The following MACROD2 variants were observed in gnomAD, a reference collection of about 807,000 sequenced individuals.
The protein encoded by MACROD2 is mono-ADP ribosylhydrolase 2, also known as ADP-ribose glycohydrolase MACROD2.
Under a neutral mutation model 70.4 loss-of-function variants are expected in MACROD2, and 36 were observed. That is an observed-to-expected ratio of 0.51 (90% confidence interval 0.39 to 0.68). The LOEUF (loss-of-function observed/expected upper bound fraction) is 0.68. Among genes scored for constraint, MACROD2 ranks in the 30% least tolerant of loss-of-function variants. The pLI is 0.00. For missense variants in MACROD2, 496 were observed against 538.4 expected (o/e 0.92, Z 0.78); for synonymous variants, 172 against 178.8 (o/e 0.96, Z 0.30).
intron 4 of MACROD2, among the ~76,000 whole-genome samples, chr20:14,659,265 T>TA (rs1986118712): frequency 1.3e-5 from 2 of 152,232 alleles, no homozygotes; most frequent in Non-Finnish European, 1.5e-5. Flanking sequence ...CCATATGTCC[T>TA]ACAAGTTATG....
intron 8 of MACROD2, among the ~76,000 whole-genome samples, chr20:15,722,457 T>C (rs188991206): frequency 1.1e-3 from 160 of 152,312 alleles, no homozygotes; most frequent in African/African-American, 3.4e-3. Context: ...AACTTGGCAT[T>C]CTCAAATTAC....
At chr20:14,348,554 C>CA (rs77245821) in intron 3 of MACROD2, among the ~76,000 whole-genome samples, 257 of 130,802 alleles carry the variant, frequency 2.0e-3, no homozygotes, top group South Asian at 3.2e-3. Context: ...TATTAGTAGA[C>CA]AAAAAAAAAA....
chr20:14,046,473 G>A (rs1304007660), intron 2 of MACROD2, among the ~76,000 whole-genome samples: 1 of 152,168 alleles, frequency 6.6e-6, no homozygotes, highest in Non-Finnish European at 1.5e-5. Context: ...AACTGCTTTT[G>A]AGAGTAATTC....
At chr20:14,098,967 G>A (rs992811233) in intron 3 of MACROD2, among the ~76,000 whole-genome samples, 1 of 152,114 alleles carries the variant, frequency 6.6e-6, no homozygotes, top group African/African-American at 2.4e-5. Context: ...TCACACCTGT[G>A]TAATAGAATC....
chr20:14,730,806 A>G (rs1307273961), intron 5 of MACROD2, among the ~76,000 whole-genome samples: 1 of 152,214 alleles, frequency 6.6e-6, no homozygotes, highest in Non-Finnish European at 1.5e-5. Flanking sequence ...GACAAAAGTT[A>G]CATGTAAGCT....
chr20:14,099,188 G>A (rs1488871356), intron 3 of MACROD2, among the ~76,000 whole-genome samples: 3 of 152,126 alleles, frequency 2.0e-5, no homozygotes, highest in African/African-American at 7.2e-5. Context: ...TGAGGCAGGA[G>A]AATCTCTTGA....
chr20:14,681,178 G>A (rs1245810141), intron 4 of MACROD2, among the ~76,000 whole-genome samples: 2 of 152,108 alleles, frequency 1.3e-5, no homozygotes, highest in African/African-American at 4.8e-5. Context: ...GGGGTTATGT[G>A]TAACATGGTA....
chr20:14,949,123 G>A (rs771277304), intron 5 of MACROD2, among the ~76,000 whole-genome samples: 2 of 152,106 alleles, frequency 1.3e-5, no homozygotes, highest in Admixed American at 6.6e-5. Flanking sequence ...ATGCTTTAGC[G>A]ATTTGGCTTT....
At chr20:14,796,287 C>G (rs1189397400) in intron 5 of MACROD2, among the ~76,000 whole-genome samples, 1 of 152,034 alleles carries the variant, frequency 6.6e-6, no homozygotes, top group African/African-American at 2.4e-5. Context: ...ATCTCTTAGG[C>G]TTTTTCACTG....
intron 8 of MACROD2, among the ~76,000 whole-genome samples, chr20:15,636,076 G>GAAAAAAAAAAAAAAAAAAAAAA (rs57402806): frequency 2.3e-5 from 2 of 85,822 alleles, no homozygotes; most frequent in South Asian, 6.0e-4. Flanking sequence ...CCTCTCAAAA[G>GAAAAAAAAAAAAAAAAAAAAAA]AAAAAAAAAA....
chr20:14,219,989 A>G (rs912818904), intron 3 of MACROD2, among the ~76,000 whole-genome samples: 1 of 151,902 alleles, frequency 6.6e-6, no homozygotes, highest in Admixed American at 6.6e-5. Flanking sequence ...TTAATATTCT[A>G]TTTTTGTGCT....
At chr20:15,898,817 G>C (rs1198832058) in intron 10 of MACROD2, among the ~76,000 whole-genome samples, 1 of 151,724 alleles carries the variant, frequency 6.6e-6, no homozygotes, top group African/African-American at 2.4e-5. Context: ...AAAAGCACCA[G>C]CTCAGCCATG....
intron 3 of MACROD2, among the ~76,000 whole-genome samples, chr20:14,461,613 G>A (rs1417856037): frequency 2.0e-5 from 3 of 151,534 alleles, no homozygotes; most frequent in Non-Finnish European, 4.4e-5. Flanking sequence ...CCATTAACTC[G>A]TCATTTAGCA....
chr20:15,637,599 G>A (rs2049390118), intron 8 of MACROD2, among the ~76,000 whole-genome samples: 1 of 152,158 alleles, frequency 6.6e-6, no homozygotes, highest in African/African-American at 2.4e-5. Flanking sequence ...CTCTATTTTT[G>A]AGAACATGCA....
At chr20:14,828,361 T>C (rs1429184890) in intron 5 of MACROD2, among the ~76,000 whole-genome samples, 1 of 152,178 alleles carries the variant, frequency 6.6e-6, no homozygotes, top group Admixed American at 6.5e-5. Flanking sequence ...TCAGATGTGT[T>C]ACCAAAATAC....
intron 5 of MACROD2, among the ~76,000 whole-genome samples, chr20:15,070,514 T>C (rs1390870012): frequency 2.0e-5 from 3 of 152,154 alleles, no homozygotes; most frequent in African/African-American, 4.8e-5. Flanking sequence ...AGGCAAGGTC[T>C]AGTGGGGAGT....
chr20:14,548,859 A>G (rs1978455064), intron 4 of MACROD2, among the ~76,000 whole-genome samples: 1 of 152,044 alleles, frequency 6.6e-6, no homozygotes, highest in Admixed American at 6.6e-5. Flanking sequence ...GGATGAGGCT[A>G]AAAAAAGGGT....
intron 8 of MACROD2, among the ~76,000 whole-genome samples, chr20:15,558,209 G>C (rs2048194416): frequency 6.6e-6 from 1 of 152,146 alleles, no homozygotes; most frequent in Admixed American, 6.5e-5. Flanking sequence ...GCCAGACTAT[G>C]AGCACTTCAC....
At chr20:15,172,077 C>T (rs1432267628) in intron 5 of MACROD2, among the ~76,000 whole-genome samples, 1 of 152,116 alleles carries the variant, frequency 6.6e-6, no homozygotes. Flanking sequence ...GACCTAAGCT[C>T]AAGATGGTTT....
Sources: allele counts gnomAD v4.1 joint callset (sites outside exome capture counted in the v4.1 genomes callset), GRCh38; gene constraint gnomAD v4.1.1; transcripts MANE v1.5; gene names NCBI Gene and HGNC (gene_info 2026-07-23, HGNC 2026-07-21).